BCCIP: variants seen among roughly 807,000 people sequenced by gnomAD.
BCCIP encodes the protein BRCA2 and CDKN1A-interacting protein.
BCCIP carries 23 observed loss-of-function variants against 32.8 expected under a neutral mutation model. The ratio of observed to expected loss-of-function variants is 0.70; its 90% CI spans 0.51 to 0.99. The LOEUF is 0.99. Among genes scored for constraint, BCCIP ranks in the 50% least tolerant of loss-of-function variants. The probability of loss-of-function intolerance (pLI) is 0.00; values close to 1 mark genes in which losing one functional copy is unlikely to be tolerated. For missense variants in BCCIP, 378 were observed against 379.8 expected, an observed-to-expected ratio of 1.00 and a Z score of 0.04; for synonymous variants, 144 against 137.6, an observed-to-expected ratio of 1.05 and a Z score of -0.33.
At chr10:125,837,946 T>C (rs1179511243), downstream of BCCIP, among the ~76,000 whole-genome samples, 1 of 152,206 alleles carries the variant, frequency 6.6e-6, no homozygotes, top group African/African-American at 2.4e-5. Context: ...ACAGTGCATT[T>C]CTCTAGCATT....
At chr10:125,832,917 C>T (rs1282948617) in intron 5 of BCCIP, among the ~76,000 whole-genome samples, 1 of 150,370 alleles carries the variant, frequency 6.7e-6, no homozygotes, top group African/African-American at 2.5e-5. Context: ...GAGTTTGAGA[C>T]CAGCCTGGCC....
At chr10:125,845,424 T>C (rs560424630), downstream of BCCIP, among the ~76,000 whole-genome samples, 2 of 152,358 alleles carry the variant, frequency 1.3e-5, no homozygotes, top group African/African-American at 4.8e-5. Flanking sequence ...TATATGTACT[T>C]TCCTACAGGT....
chr10:125,836,904 A>G (rs1854708394), downstream of BCCIP: 1 of 1,546,838 alleles, frequency 6.5e-7, no homozygotes, highest in East Asian at 2.3e-5. Context: ...GAAGGTGGTG[A>G]GAGACACCAA....
At chr10:125,845,415 A>G (rs1246898875), downstream of BCCIP, among the ~76,000 whole-genome samples, 1 of 152,242 alleles carries the variant, frequency 6.6e-6, no homozygotes, top group Non-Finnish European at 1.5e-5. Context: ...CAACATATTT[A>G]TATGTACTTT....
chr10:125,843,771 G>A (rs574772989), downstream of BCCIP, among the ~76,000 whole-genome samples: 6 of 152,310 alleles, frequency 3.9e-5, no homozygotes, highest in East Asian at 9.7e-4. Context: ...GGAGGACAGC[G>A]GAGCCAGCAC....
chr10:125,835,511 A>G (rs534509973), intron 6 of BCCIP, among the ~76,000 whole-genome samples: 32 of 150,238 alleles, frequency 2.1e-4, no homozygotes, highest in South Asian at 4.3e-4. Context: ...CCCGGGAGGC[A>G]GAGCTTGCGG....
rs775706553 is a variant in BCCIP at position 125,823,594 on chromosome 10, G to A, written c.37G>A (p.Gly13Arg). The A allele has an allele frequency of 6.2e-7, 1 of 1,614,060 alleles. No individual in the cohort carries two copies. The change falls in exon 1 of 7, where the codon GGG becomes AGG. Residue 13 changes from glycine (G) to arginine (R), a missense_variant. Physicochemically the swap from Gly to Arg is moderately radical, Grantham distance 125 (BLOSUM62 -2). Transcript: ENST00000278100. ...GTCTAAGCGGCGTGCCGTGGAAAGTGGGGTTCCGCAGCCGCCGGATCCCCC... is the reference window on the plus strand; with the variant it reads ...GTCTAAGCGGCGTGCCGTGGAAAGTAGGGTTCCGCAGCCGCCGGATCCCCC... Reference protein sequence around the residue: ...SRSKRRAVESGVPQPPDPPVQ... With the variant: ...SRSKRRAVESRVPQPPDPPVQ...
downstream of BCCIP, among the ~76,000 whole-genome samples, chr10:125,844,704 A>C (rs894164179): frequency 2.6e-5 from 4 of 152,354 alleles, no homozygotes; most frequent in Non-Finnish European, 5.9e-5. Context: ...GTGCTGCTTA[A>C]GTATAATCCA....
intron 6 of BCCIP, among the ~76,000 whole-genome samples, chr10:125,834,659 A>T (rs1854608454): frequency 6.6e-6 from 1 of 151,916 alleles, no homozygotes; most frequent in Non-Finnish European, 1.5e-5. Flanking sequence ...AAAAAAAAAA[A>T]AATTAGCCGG....
chr10:125,834,829 C>A (rs58539991), intron 6 of BCCIP, among the ~76,000 whole-genome samples: 3,099 of 149,170 alleles, frequency 0.021, 115 homozygotes, highest in African/African-American at 0.069. Flanking sequence ...AACAAACAAA[C>A]AAAAAACACA....
At chr10:125,846,713 C>T (rs924205434), downstream of BCCIP, among the ~76,000 whole-genome samples, 1 of 152,210 alleles carries the variant, frequency 6.6e-6, no homozygotes, top group Non-Finnish European at 1.5e-5. Context: ...TTTTGTGCCA[C>T]GTGACAACAC....
chr10:125,833,563 T>C (rs753069162), intron 5 of BCCIP, among the ~76,000 whole-genome samples: 14 of 151,984 alleles, frequency 9.2e-5, no homozygotes, highest in South Asian at 2.1e-4. Context: ...CTGAGAGATA[T>C]ATCATAGTAT....
exon 8 of BCCIP, chr10:125,853,328 T>G: frequency 1.3e-6 from 1 of 760,552 alleles, no homozygotes; most frequent in Non-Finnish European, 1.9e-6. Flanking sequence ...AGTCAATATT[T>G]GTTAGTTTCG....
chr10:125,840,442 A>G (rs1854843178), downstream of BCCIP, among the ~76,000 whole-genome samples: 1 of 152,362 alleles, frequency 6.6e-6, no homozygotes, highest in South Asian at 2.1e-4. Flanking sequence ...GCCTCTCTGC[A>G]TGCACGTGGT....
Position 125,835,590 on chromosome 10 carries a change from A to C in BCCIP, c.775-514A>C, listed in dbSNP as rs1476442040. 4.0e-4 allele frequency among the ~76,000 whole-genome samples: 49 copies of C among 122,576 alleles called. No individual in the cohort carries two copies. The South Asian group carries it at 0.012, about 31-fold the overall frequency. The allele number at this position is 122,576 out of a possible 152,430, so 80.4% of individuals were successfully genotyped here. On this transcript the variant is annotated intron_variant, in intron 6 of 6. Transcript: ENST00000278100. ...TGAGACTCTGTCTCAAAAAAAAAAA[A>C]CAAACAAACAAAAAAAACAAAACCA...
intron 5 of BCCIP, among the ~76,000 whole-genome samples, chr10:125,832,159 G>A (rs1300369050): frequency 6.6e-6 from 1 of 151,926 alleles, no homozygotes; most frequent in Non-Finnish European, 1.5e-5. Context: ...TGCAACAGAG[G>A]ACAAAATATA....
At chr10:125,841,553 A>G (rs1854880822) in exon 7 of BCCIP, 25 of 1,428,658 alleles carry the variant, frequency 1.7e-5, no homozygotes, top group Non-Finnish European at 2.2e-5. Flanking sequence ...TTCTTAAGAT[A>G]ATTTTTCATA....
exon 7 of BCCIP, chr10:125,841,990 C>T (rs1854894765): frequency 6.7e-7 from 1 of 1,488,476 alleles, no homozygotes; most frequent in African/African-American, 1.4e-5. Context: ...GATGGAGAAA[C>T]AGGTACTGGA....
intron 3 of BCCIP, among the ~76,000 whole-genome samples, chr10:125,829,777 A>G (rs1854481614): frequency 6.6e-6 from 1 of 152,250 alleles, no homozygotes; most frequent in Non-Finnish European, 1.5e-5. Context: ...CCTAATGGAT[A>G]TGGAGGAGAA....
Sources: allele counts gnomAD v4.1 joint callset (sites outside exome capture counted in the v4.1 genomes callset), GRCh38; gene constraint gnomAD v4.1.1; transcripts MANE v1.5; gene names NCBI Gene and HGNC (gene_info 2026-07-23, HGNC 2026-07-21).